MALRD1: variants seen among roughly 807,000 people sequenced by gnomAD.
MALRD1 encodes MAM and LDL receptor class A domain containing 1.
MALRD1 carries 247 observed loss-of-function variants against 242.1 expected under a neutral mutation model. The ratio of observed to expected loss-of-function variants is 1.02; its 90% CI spans 0.92 to 1.13. The LOEUF (loss-of-function observed/expected upper bound fraction) is 1.13. MALRD1 is among the 50% of genes most tolerant of loss of function. The pLI is 0.00. For missense variants in MALRD1, 2,989 were observed against 2,533.1 expected, an observed-to-expected ratio of 1.18 and a Z score of -3.86; for synonymous variants, 995 against 866.6, an observed-to-expected ratio of 1.15 and a Z score of -2.60.
In MALRD1 at chr10:19,453,198, C is replaced by T. The variant is rs1050414031; in HGVS notation, c.5029+2708C>T. Among the ~76,000 whole-genome samples the T allele has an allele frequency of 3.9e-5, 6 of 152,216 alleles. No homozygotes were observed. In the East Asian group the frequency reaches 1.2e-3, roughly 29 times the overall value. ...AATTTATCATGAAGTTGTTGATGTT[C>T]TGCATGTGAAATAACTTAAAAAATG... On this transcript the variant is annotated intron_variant, in intron 29 of 39. Transcript: ENST00000454679.
chr10:19,647,254 A>G (rs201721506), intron 36 of MALRD1, among the ~76,000 whole-genome samples: 5 of 152,218 alleles, frequency 3.3e-5, no homozygotes, highest in Admixed American at 6.5e-5. Context: ...TTAGATAGCA[A>G]TGTTTTTCCA....
chr10:19,661,514 T>A (rs1429643823), intron 36 of MALRD1, among the ~76,000 whole-genome samples: 1 of 152,090 alleles, frequency 6.6e-6, no homozygotes, highest in African/African-American at 2.4e-5. Context: ...AAACCATCAT[T>A]CTCAGAAAAC....
At chr10:19,348,836 T>C (rs559993772) in intron 25 of MALRD1, among the ~76,000 whole-genome samples, 90 of 152,298 alleles carry the variant, frequency 5.9e-4, no homozygotes, top group African/African-American at 2.1e-3. Context: ...AAGAGATGGA[T>C]ACAGAAATAA....
At chr10:19,176,401 T>C (rs1208323108) in intron 14 of MALRD1, among the ~76,000 whole-genome samples, 1 of 125,560 alleles carries the variant, frequency 8.0e-6, no homozygotes, top group Non-Finnish European at 1.7e-5. Context: ...GGAGTCTCGC[T>C]CTGTCGCCCA....
At chr10:19,168,842 C>G (rs755522567) in intron 13 of MALRD1, among the ~76,000 whole-genome samples, 6 of 152,124 alleles carry the variant, frequency 3.9e-5, no homozygotes, top group Non-Finnish European at 8.8e-5. Context: ...TCTTTCGAGG[C>G]CTCGGTCACA....
At chr10:19,698,893 G>A (rs1833492373) in intron 38 of MALRD1, among the ~76,000 whole-genome samples, 1 of 152,192 alleles carries the variant, frequency 6.6e-6, no homozygotes, top group East Asian at 1.9e-4. Flanking sequence ...GCCCTTTGCA[G>A]GGACATGGGT....
At chr10:19,336,980 A>G (rs1286444208) in intron 24 of MALRD1, among the ~76,000 whole-genome samples, 1 of 152,116 alleles carries the variant, frequency 6.6e-6, no homozygotes, top group African/African-American at 2.4e-5. Flanking sequence ...TGAAACAGAA[A>G]AAATATCCTG....
At chr10:19,073,193 G>C (rs890874634) in intron 2 of MALRD1, among the ~76,000 whole-genome samples, 1 of 152,052 alleles carries the variant, frequency 6.6e-6, no homozygotes, top group East Asian at 1.9e-4. Context: ...GGAATTACAG[G>C]CGTGAGCCAC....
rs1416154209 is a variant in MALRD1 at position 19,175,324 on chromosome 10, C to T, written c.1947C>T (p.Ser649=). Residue 649 remains serine (S), a synonymous_variant, in exon 14 of 40, where the codon AGC becomes AGT. Coordinates refer to ENST00000454679, the MANE Select transcript of MALRD1 (RefSeq NM_001142308.3). The part of the protein sequence containing the change: ...YKSLPRTSTQ[S]KFSKCDFEAN... ...CACTACCAAGGACCAGTACACAAAGCAAGTGTAAGTTTTTCCTTGTCGTTG... is the reference window on the plus strand; with the variant it reads ...CACTACCAAGGACCAGTACACAAAGTAAGTGTAAGTTTTTCCTTGTCGTTG... 1 of 1,229,978 alleles carries T rather than the reference C, an allele frequency of 8.1e-7. No homozygotes were observed. The highest frequency in any genetic ancestry group is 1.0e-6 in the Non-Finnish European group (1 of 987,020). 76.2% of individuals were successfully genotyped at this position (1,229,978 alleles called of 1,614,324 possible).
At chr10:19,301,510 C>G (rs1841948573) in intron 21 of MALRD1, among the ~76,000 whole-genome samples, 2 of 151,842 alleles carry the variant, frequency 1.3e-5, no homozygotes, top group South Asian at 2.1e-4. Context: ...TACATATATA[C>G]AGCATAGAAC....
At chr10:19,067,638 A>C (rs891397608) in intron 2 of MALRD1, among the ~76,000 whole-genome samples, 14 of 152,266 alleles carry the variant, frequency 9.2e-5, no homozygotes, top group Admixed American at 9.2e-4. Context: ...AATATTACAC[A>C]TGCAGATTAG....
intron 18 of MALRD1, among the ~76,000 whole-genome samples, chr10:19,219,442 T>G (rs1051325238): frequency 6.6e-6 from 1 of 152,152 alleles, no homozygotes; most frequent in African/African-American, 2.4e-5. Flanking sequence ...TTTTCTTCTT[T>G]TTTATTTTTT....
At chr10:19,513,111 C>G (rs905702670) in intron 31 of MALRD1, among the ~76,000 whole-genome samples, 1 of 152,188 alleles carries the variant, frequency 6.6e-6, no homozygotes, top group Admixed American at 6.5e-5. Flanking sequence ...TATTTGTCCC[C>G]TCCAAATCTC....
In MALRD1 at chr10:19,316,140, A is replaced by G. The variant is rs1364867795; in HGVS notation, c.3420-7809A>G. Among the ~76,000 whole-genome samples the G allele has an allele frequency of 4.0e-5, 6 of 151,396 alleles. No homozygotes were observed. The East Asian group carries it at 6.0e-4, about 15-fold the overall frequency. ...TAATTTACTAAGGAAACTCCTTAGT[A>G]AATTTACATAATTTACTAAGGACAA... On this transcript the variant is annotated intron_variant, in intron 21 of 39. Coordinates refer to ENST00000454679, the MANE Select transcript of MALRD1 (RefSeq NM_001142308.3).
rs118038226 is a variant in MALRD1, at chr10:19,492,696, C to T, written c.5158+1051C>T. ...AGCAACAGTTACTTTGATTTAGCCT[C>T]AGATGTTGCATAATACCATACCTGA... On this transcript the variant is annotated intron_variant, in intron 30 of 39. Coordinates refer to ENST00000454679, the MANE Select transcript of MALRD1 (RefSeq NM_001142308.3). 9.1e-4 allele frequency among the ~76,000 whole-genome samples: 139 copies of T among 152,258 alleles called. 4 individuals are homozygous for T. In the East Asian group the frequency reaches 0.026, roughly 28 times the overall value.
chr10:19,581,068 T>C (rs1837096753), intron 33 of MALRD1, among the ~76,000 whole-genome samples: 1 of 152,152 alleles, frequency 6.6e-6, no homozygotes, highest in South Asian at 2.1e-4. Flanking sequence ...AAAAAGAAAT[T>C]AATATTTGTA....
At chr10:19,352,338 G>A (rs1564586546) in intron 26 of MALRD1, 41 bp downstream of exon 26, 3 of 1,507,934 alleles carry the variant, frequency 2.0e-6, no homozygotes, top group Non-Finnish European at 1.8e-6. Context: ...TTTTTGCATG[G>A]TGAAAGGTGA....
chr10:19,157,483 G>A (rs1342650408), intron 12 of MALRD1, among the ~76,000 whole-genome samples: 2 of 151,976 alleles, frequency 1.3e-5, no homozygotes, highest in African/African-American at 2.4e-5. Context: ...TCCTGACCTC[G>A]TGATTCACCC....
chr10:19,346,397 T>G (rs1417923356), intron 24 of MALRD1, among the ~76,000 whole-genome samples: 1 of 152,192 alleles, frequency 6.6e-6, no homozygotes, highest in African/African-American at 2.4e-5. Flanking sequence ...ATTTTTGCCC[T>G]CATTTGCCTT....
Sources: allele counts gnomAD v4.1 joint callset (sites outside exome capture counted in the v4.1 genomes callset), GRCh38; gene constraint gnomAD v4.1.1; transcripts MANE v1.5; gene names NCBI Gene and HGNC (gene_info 2026-07-23, HGNC 2026-07-21).